Variants in PRKCB observed in about 807,000 individuals in gnomAD.
PRKCB encodes protein kinase C beta type.
PRKCB carries 13 observed loss-of-function variants against 81.5 expected under a neutral mutation model. That is an observed-to-expected ratio of 0.16 (90% CI 0.10 to 0.25). The LOEUF (loss-of-function observed/expected upper bound fraction) is 0.25, where lower values mean the gene tolerates loss of function less well. PRKCB is among the 10% of genes least tolerant of loss of function. The pLI is 1.00. For missense variants in PRKCB, 509 were observed against 875.7 expected (o/e 0.58, Z 5.29); for synonymous variants, 335 against 321.4 (o/e 1.04, Z -0.45).
chr16:23,877,328 C>G (rs1316788892), intron 2 of PRKCB, among the ~76,000 whole-genome samples: 2 of 152,118 alleles, frequency 1.3e-5, no homozygotes, highest in East Asian at 3.8e-4. Context: ...CAGAGGGAGA[C>G]CCTGTCTCTT....
Position 24,001,880 on chromosome 16 carries a change from G to C in PRKCB, c.288+13290G>C, listed in dbSNP as rs75211284. Among the ~76,000 whole-genome samples, 1,029 of 152,302 alleles carry C rather than the reference G, an allele frequency of 6.8e-3. 15 individuals are homozygous for C. The highest frequency in any genetic ancestry group is 0.024 in the African/African-American group (984 of 41,542). On this transcript the variant is annotated intron_variant, in intron 3 of 16. Transcript: ENST00000643927. ...TCCTGAGAAGGACATTGGGAGTAGAGTAAGAGCTTCAGGACCAAGGACCTC... is the reference window on the plus strand; with the variant it reads ...TCCTGAGAAGGACATTGGGAGTAGACTAAGAGCTTCAGGACCAAGGACCTC...
chr16:24,219,196 A>C lies in PRKCB; in HGVS notation c.*4380A>C. The C allele has an allele frequency of 1.0e-6, 1 of 985,282 alleles. No homozygotes were observed. The highest frequency in any genetic ancestry group is 1.2e-6 in the Non-Finnish European group (1 of 829,848). 61.0% of individuals were successfully genotyped at this position (985,282 alleles called of 1,614,324 possible). ...TTTCTTCTCCACCTCCCTACTGAAC[A>C]AAAAAAGAAATGCCAGACTTACTAG... On this transcript the variant is annotated 3_prime_UTR_variant, in exon 17 of 17. Transcript: ENST00000643927.
At chr16:23,960,648 C>A (rs1383932906) in intron 2 of PRKCB, among the ~76,000 whole-genome samples, 3 of 152,174 alleles carry the variant, frequency 2.0e-5, no homozygotes, top group Non-Finnish European at 4.4e-5. Flanking sequence ...CTGACATGGC[C>A]CAGTGTGTGT....
chr16:24,042,830 C>T (rs1965719510), intron 5 of PRKCB, among the ~76,000 whole-genome samples: 1 of 151,742 alleles, frequency 6.6e-6, no homozygotes, highest in Admixed American at 6.6e-5. Flanking sequence ...CTCGACCTCC[C>T]AGGCTCAATT....
chr16:24,017,212 G>T (rs1010132981), intron 3 of PRKCB, among the ~76,000 whole-genome samples: 12 of 152,202 alleles, frequency 7.9e-5, no homozygotes, highest in Non-Finnish European at 1.8e-4. Flanking sequence ...ATTAAAAAAT[G>T]AGCCGAGAAT....
chr16:23,970,558 T>G (rs1478028426), intron 2 of PRKCB, among the ~76,000 whole-genome samples: 1 of 152,222 alleles, frequency 6.6e-6, no homozygotes, highest in East Asian at 1.9e-4. Context: ...AGCCTTCCCA[T>G]TTTTCTTCAA....
intron 2 of PRKCB, among the ~76,000 whole-genome samples, chr16:23,938,728 T>C (rs1964096503): frequency 6.6e-6 from 1 of 152,234 alleles, no homozygotes; most frequent in Non-Finnish European, 1.5e-5. Context: ...GTTAACTTTC[T>C]TTAATCACAA....
intron 2 of PRKCB, among the ~76,000 whole-genome samples, chr16:23,911,921 T>C (rs955403712): frequency 1.8e-4 from 26 of 147,902 alleles, no homozygotes; most frequent in African/African-American, 6.3e-4. Flanking sequence ...AACCTCCGCC[T>C]TCTGGGTTCA....
rs528588769 is a variant in PRKCB, at chr16:24,216,686, C to T, written c.*1870C>T. The T allele has an allele frequency of 5.1e-5, 50 of 985,456 alleles. No individual in the cohort carries two copies. In the African/African-American group the frequency reaches 8.4e-4, roughly 16 times the overall value. The allele number at this position is 985,456 out of a possible 1,614,324, so 61.0% of individuals were successfully genotyped here. ...GCTTCAGGCTTGGGGACCGTCCCTG[C>T]TGTCCCCACTGTGGTGGCAATCAGG... On this transcript the variant is annotated 3_prime_UTR_variant, in exon 17 of 17. Coordinates refer to ENST00000643927, the MANE Select transcript of PRKCB (RefSeq NM_002738.7).
chr16:23,979,232 G>T (rs1324225218), intron 2 of PRKCB, among the ~76,000 whole-genome samples: 1 of 152,184 alleles, frequency 6.6e-6, no homozygotes, highest in East Asian at 1.9e-4. Context: ...AGGTCACACA[G>T]CTAATCAACA....
At chr16:24,017,696 C>G (rs1368826244) in intron 3 of PRKCB, among the ~76,000 whole-genome samples, 1 of 152,072 alleles carries the variant, frequency 6.6e-6, no homozygotes, top group Admixed American at 6.5e-5. Context: ...TTAAAACAGG[C>G]AAAATTAATG....
chr16:24,021,235 C>T (rs71379834), intron 3 of PRKCB, among the ~76,000 whole-genome samples: 666 of 14,980 alleles, frequency 0.044, 32 homozygotes, highest in African/African-American at 0.087. Context: ...TCTTTCTTTC[C>T]TTCCTTCCTT....
intron 2 of PRKCB, among the ~76,000 whole-genome samples, chr16:23,887,460 T>C (rs1963221494): frequency 6.6e-6 from 1 of 152,210 alleles, no homozygotes; most frequent in Non-Finnish European, 1.5e-5. Context: ...GGTTTTCTGT[T>C]TTTCTGTGAT....
At chr16:23,999,941 G>T (rs1373077589) in intron 3 of PRKCB, among the ~76,000 whole-genome samples, 2 of 152,184 alleles carry the variant, frequency 1.3e-5, no homozygotes, top group African/African-American at 4.8e-5. Flanking sequence ...TTGTCGGCCT[G>T]TGTGATTTGG....
At chr16:24,018,591 T>A (rs1965316796) in intron 3 of PRKCB, among the ~76,000 whole-genome samples, 1 of 152,252 alleles carries the variant, frequency 6.6e-6, no homozygotes, top group Non-Finnish European at 1.5e-5. Context: ...TGGACTGCAG[T>A]GCAGATCTTA....
Position 24,057,263 on chromosome 16 carries a change from A to G in PRKCB, c.529+21716A>G, listed in dbSNP as rs1194584728. Among the ~76,000 whole-genome samples, 4 of 152,162 alleles carry G rather than the reference A, an allele frequency of 2.6e-5. No individual in the cohort carries two copies. The East Asian group carries it at 7.7e-4, about 29-fold the overall frequency. ...CCCCATGTCAGCCCTATGAAATAAT[A>G]CTATCCCATACTTACTACTATTTCA... On this transcript the variant is annotated intron_variant, in intron 5 of 16. Coordinates refer to ENST00000643927, the MANE Select transcript of PRKCB (RefSeq NM_002738.7).
chr16:23,845,991 A>C (rs1036520019), intron 2 of PRKCB, among the ~76,000 whole-genome samples: 19 of 152,250 alleles, frequency 1.2e-4, no homozygotes, highest in African/African-American at 3.9e-4. Flanking sequence ...TTCAGGGAGC[A>C]CAAGATTACT....
chr16:24,071,685 G>A (rs899523700), intron 5 of PRKCB, among the ~76,000 whole-genome samples: 6 of 152,066 alleles, frequency 3.9e-5, no homozygotes, highest in Non-Finnish European at 8.8e-5. Context: ...GCTGTGGGAT[G>A]TGGTCCTGGA....
chr16:23,870,581 GA>G (rs1409427068), intron 2 of PRKCB, among the ~76,000 whole-genome samples: 1 of 152,162 alleles, frequency 6.6e-6, no homozygotes, highest in African/African-American at 2.4e-5. Context: ...ACTTTTAAAC[GA>G]AGCCATTAGG....
Sources: gnomAD v4.1 joint callset for allele counts (sites outside exome capture counted in the v4.1 genomes callset) on GRCh38, gnomAD v4.1.1 for gene constraint, MANE v1.5 for transcripts, NCBI Gene and HGNC (gene_info 2026-07-23, HGNC 2026-07-21) for gene names.